Variants in SON observed in about 807,000 individuals in gnomAD.
SON encodes protein SON.
A neutral mutation model predicts 173.3 loss-of-function variants in SON; 4 were observed. That is an observed-to-expected ratio of 0.02 (90% CI 0.01 to 0.05). SON has a LOEUF of 0.05. SON is among the 10% of genes least tolerant of loss of function. The pLI is 1.00. For missense variants in SON, 2,626 were observed against 3,055.3 expected, an observed-to-expected ratio of 0.86 and a Z score of 3.31; for synonymous variants, 1,190 against 1,105.9, an observed-to-expected ratio of 1.08 and a Z score of -1.51.
chr21:33,575,522 C>G, intron 9 of SON, 74 bp from the exon 10 acceptor site: 1 of 1,038,272 alleles, frequency 9.6e-7, no homozygotes, highest in Non-Finnish European at 1.4e-6. Context: ...TTTTGAGGTT[C>G]AGACTCCTAC....
chr21:33,551,961 T>C lies in SON; in HGVS notation c.2730T>C (p.Ser910=). The C allele has an allele frequency of 6.2e-7, 1 of 1,614,124 alleles. No individual in the cohort carries two copies. Among genetic ancestry groups the C allele is most frequent in the Non-Finnish European group, 8.5e-7 (1 of 1,179,990 alleles). The change falls in exon 3 of 12, where the codon TCT becomes TCC. Residue 910 remains serine (S), a synonymous_variant. Coordinates refer to ENST00000356577, the MANE Select transcript of SON (RefSeq NM_138927.4). The part of the protein sequence containing the change: ...TQDSAMLGSK[S]PDPYRLAQDP... ...ATTCTGCTATGTTGGGTTCAAAATCTCCTGATCCCTATAGGTTAGCTCAGG... is the reference window on the plus strand; with the variant it reads ...ATTCTGCTATGTTGGGTTCAAAATCCCCTGATCCCTATAGGTTAGCTCAGG...
At chr21:33,575,991 GGGTGGGGGGTTTGTATTTGTAGTTAAGT>G (rs1391415956) in intron 11 of SON, 98 bp downstream of exon 11, 7 of 623,482 alleles carry the variant, frequency 1.1e-5, no homozygotes, top group African/African-American at 1.9e-5. Flanking sequence ...TTCTGTTCAT[GGGTGGGGGGTTTGTATTTGTAGTTAAGT>G]GGTGGGGTTT....
intron 1 of SON, among the ~76,000 whole-genome samples, chr21:33,545,318 T>A (rs1399647933): frequency 6.6e-6 from 1 of 152,214 alleles, no homozygotes; most frequent in African/African-American, 2.4e-5. Context: ...GAAAGCCAGA[T>A]GTTCCTTAAT....
intron 9 of SON, 116 bp from the exon 10 acceptor site, chr21:33,575,480 A>G: frequency 1.7e-6 from 1 of 594,270 alleles, no homozygotes; most frequent in Non-Finnish European, 3.0e-6. Flanking sequence ...CGAGTGTACT[A>G]GGAATCTGCT....
intron 6 of SON, among the ~76,000 whole-genome samples, chr21:33,562,417 T>C (rs903451624): frequency 3.3e-5 from 5 of 152,182 alleles, no homozygotes; most frequent in Non-Finnish European, 7.4e-5. Flanking sequence ...AAATGGAGTT[T>C]GTGGTTCTTT....
Position 33,576,613 on chromosome 21 carries a change from C to G in SON, c.*189C>G. On this transcript the variant is annotated 3_prime_UTR_variant, in exon 12 of 12. Transcript: ENST00000356577. ...ATAATAATCATTTCAGAATTTTACT[C>G]TGCATCACAATGTATTTCCTCTTTA... 2 of 698,724 alleles carry G rather than the reference C, an allele frequency of 2.9e-6. No individual in the cohort carries two copies. The highest frequency in any genetic ancestry group is 5.4e-6 in the Non-Finnish European group (2 of 371,026). 43.3% of individuals were successfully genotyped at this position (698,724 alleles called of 1,614,324 possible).
At position 33,573,392 on chromosome 21, in the gene SON, T is replaced by C. The variant is rs368485974; in HGVS notation, c.6970T>C (p.Leu2324=). The C allele has an allele frequency of 1.1e-5, 17 of 1,612,782 alleles. No homozygotes were observed. The highest frequency in any genetic ancestry group is 3.3e-5 in the South Asian group (3 of 91,014). The change falls in exon 9 of 12, where the codon TTA becomes CTA. Residue 2324 remains leucine, a synonymous_variant. Coordinates refer to ENST00000356577, the MANE Select transcript of SON (RefSeq NM_138927.4). The part of the protein sequence containing the change: ...RKMGWREGEG[L]GKNKEGNKEP... ...AATGGGCTGGAGAGAAGGAGAAGGA[T>C]TAGGAAAAAACAAAGAAGGCAATAA...
intron 6 of SON, chr21:33,560,337 G>C: frequency 1.5e-6 from 2 of 1,313,154 alleles, no homozygotes; most frequent in Non-Finnish European, 1.9e-6. Flanking sequence ...TTGCTACCTT[G>C]GCCCTTTTAA....
At chr21:33,567,698 G>T (rs975293743) in intron 7 of SON, among the ~76,000 whole-genome samples, 2 of 151,852 alleles carry the variant, frequency 1.3e-5, no homozygotes, top group African/African-American at 4.8e-5. Context: ...TGGGGGCAAG[G>T]AGTCAGGAGT....
At chr21:33,571,399 C>T (rs1030190702) in intron 8 of SON, among the ~76,000 whole-genome samples, 4 of 152,004 alleles carry the variant, frequency 2.6e-5, no homozygotes, top group African/African-American at 9.7e-5. Flanking sequence ...TAGTATAGTC[C>T]AGCATCTGCC....
chr21:33,561,206 A>G (rs1444376840), intron 6 of SON, among the ~76,000 whole-genome samples: 1 of 152,208 alleles, frequency 6.6e-6, no homozygotes, highest in African/African-American at 2.4e-5. Flanking sequence ...ATCACCAGTT[A>G]AGAGGGAGAT....
At chr21:33,544,589 T>C (rs1427119214) in intron 1 of SON, among the ~76,000 whole-genome samples, 1 of 152,224 alleles carries the variant, frequency 6.6e-6, no homozygotes, top group Non-Finnish European at 1.5e-5. Context: ...TTGTTTTGTA[T>C]TGATCATTTT....
Position 33,550,781 on chromosome 21 carries a change from T to C in SON, c.1550T>C (p.Val517Ala). 6.2e-7 allele frequency: 1 copy of C among 1,614,122 alleles called. No individual in the cohort carries two copies. The highest frequency in any genetic ancestry group is 8.5e-7 in the Non-Finnish European group (1 of 1,180,006). Residue 517 changes from valine (V) to alanine (A), a missense_variant, in exon 3 of 12, where the codon GTG (valine) becomes GCG (alanine). Val to Ala is a moderately conservative substitution (Grantham distance 64). This residue lies in a region of SON where 757 missense variants were observed against 730.1 expected (regional missense o/e 1.04). Transcript: ENST00000356577. ...PVTTTELEQPVGMTTVEHPGH... is the reference protein window; with the variant it reads ...PVTTTELEQPAGMTTVEHPGH... ...ACGACGACAGAGTTGGAGCAGCCTG[T>C]GGGGATGACAACGGTGGAACATCCT... is the stretch of plus-strand genomic sequence containing the variant.
In SON at chr21:33,550,197, A is replaced by G; in HGVS notation, c.966A>G (p.Thr322=). Residue 322 remains threonine (T), a synonymous_variant, in exon 3 of 12, where the codon ACA becomes ACG. Coordinates refer to ENST00000356577, the MANE Select transcript of SON (RefSeq NM_138927.4). ...CTGAGGTGTACCCTGAGCCAAGCAC[A>G]TCAACAACAATGGATTTTCCAGAGT... is the stretch of plus-strand genomic sequence containing the variant. ...TPTEVYPEPS[T]STTMDFPESS... 1.2e-6 allele frequency: 2 copies of G among 1,614,282 alleles called. No homozygotes were observed. The highest frequency in any genetic ancestry group is 1.1e-5 in the South Asian group (1 of 91,092).
rs2085849259 is a variant in SON at position 33,553,046 on chromosome 21, A to G, written c.3815A>G (p.Glu1272Gly). ...GTAGAGTCTGCAGTAGTAGCAGAAG[A>G]ACATGAAGTTGTTCCAGAGAGACCA... The part of the protein sequence containing the change: ...TPVESAVVAE[E>G]HEVVPERPVT... Residue 1272 changes from glutamate to glycine, a missense_variant, in exon 3 of 12, where the codon GAA becomes GGA. Physicochemically the swap from Glu to Gly is moderately conservative, Grantham distance 98. Coordinates refer to ENST00000356577, the MANE Select transcript of SON (RefSeq NM_138927.4). 5 of 1,614,206 alleles carry G rather than the reference A, an allele frequency of 3.1e-6. No homozygotes were observed. Among genetic ancestry groups the G allele is most frequent in the Non-Finnish European group, 4.2e-6 (5 of 1,180,032 alleles).
At chr21:33,562,665 G>A (rs982606366) in intron 6 of SON, among the ~76,000 whole-genome samples, 1 of 152,204 alleles carries the variant, frequency 6.6e-6, no homozygotes, top group East Asian at 1.9e-4. Context: ...TCAGAAACCA[G>A]CCAGCATCAT....
chr21:33,546,276 T>C lies in SON; in HGVS notation c.141T>C (p.Gly47=). 2 of 1,613,742 alleles carry C rather than the reference T, an allele frequency of 1.2e-6. No individual in the cohort carries two copies. The highest frequency in any genetic ancestry group is 1.7e-6 in the Non-Finnish European group (2 of 1,179,820). The change falls in exon 2 of 12, where the codon GGT becomes GGC. Residue 47 remains glycine, a synonymous_variant. Coordinates refer to ENST00000356577, the MANE Select transcript of SON (RefSeq NM_138927.4). Reference sequence around the variant, plus strand: ...CACCCATTGAAGGAAACCAGGCGGGTGATGCAGCTGCCTCTGCCAGGAGTC... The same window carrying C: ...CACCCATTGAAGGAAACCAGGCGGGCGATGCAGCTGCCTCTGCCAGGAGTC... ...TNTPIEGNQA[G]DAAASARSLP...
At chr21:33,549,176 T>G (rs986136581) in intron 2 of SON, among the ~76,000 whole-genome samples, 1 of 46,422 alleles carries the variant, frequency 2.2e-5, no homozygotes, top group Non-Finnish European at 3.6e-5. Context: ...CCTACTGGGT[T>G]CAAGTGATCC....
At chr21:33,549,043 G>C (rs1188372886) in intron 2 of SON, among the ~76,000 whole-genome samples, 1 of 150,990 alleles carries the variant, frequency 6.6e-6, no homozygotes, top group African/African-American at 2.4e-5. Context: ...TAGTTTATTT[G>C]GTAACTTTTA....
Sources: allele counts gnomAD v4.1 joint callset (sites outside exome capture counted in the v4.1 genomes callset), GRCh38; gene constraint gnomAD v4.1.1; regional missense constraint gnomAD v4.1.1; transcripts MANE v1.5; gene names NCBI Gene and HGNC (gene_info 2026-07-23, HGNC 2026-07-21).